Variants in CAMKK1 observed in about 807,000 individuals in gnomAD.
CAMKK1 encodes the protein calcium/calmodulin-dependent protein kinase kinase 1.
A neutral mutation model predicts 63.5 loss-of-function variants in CAMKK1; 20 were observed. The observed-to-expected ratio is 0.32, with a 90% CI of 0.22 to 0.46. The LOEUF (loss-of-function observed/expected upper bound fraction) is 0.46, where lower values mean the gene tolerates loss of function less well. Ranked by LOEUF, CAMKK1 falls within the 20% of genes least tolerant of loss-of-function variation. The pLI, the probability that CAMKK1 is intolerant of heterozygous loss-of-function variation, is 1.00. For missense variants in CAMKK1, 588 were observed against 658.1 expected, an observed-to-expected ratio of 0.89 and a Z score of 1.17; for synonymous variants, 253 against 269.0, an observed-to-expected ratio of 0.94 and a Z score of 0.58.
intron 12 of CAMKK1, among the ~76,000 whole-genome samples, chr17:3,871,545 A>T (rs561001989): frequency 6.1e-5 from 9 of 147,298 alleles, no homozygotes; most frequent in Non-Finnish European, 1.2e-4. Context: ...TTTAGTAGAG[A>T]TGGGGTTTCA....
chr17:3,878,527 A>G (rs1333338008), intron 9 of CAMKK1, among the ~76,000 whole-genome samples: 2 of 152,204 alleles, frequency 1.3e-5, no homozygotes, highest in African/African-American at 2.4e-5. Context: ...GTACCGGGGT[A>G]AAATGTCCCC....
chr17:3,883,033 A>G lies in CAMKK1; in HGVS notation c.648+9T>C. On this transcript the variant is annotated intron_variant, in intron 6 of 15. Transcript: ENST00000348335. The surrounding 1 kb of genome is among the most constrained non-coding windows in gnomAD (Gnocchi z 4.7). ...TGCTGGTTCCCACCTGCTCACCACC[A>G]CCCCCTACCTCGATCAGTTTGACCA... is the stretch of plus-strand genomic sequence containing the variant. The G allele has an allele frequency of 1.2e-6, 2 of 1,612,832 alleles. No homozygotes were observed. Among genetic ancestry groups the G allele is most frequent in the Non-Finnish European group, 1.7e-6 (2 of 1,179,650 alleles).
intron 10 of CAMKK1, among the ~76,000 whole-genome samples, chr17:3,875,602 T>C (rs935889210): frequency 2.0e-5 from 3 of 152,110 alleles, no homozygotes; most frequent in Non-Finnish European, 4.4e-5. Flanking sequence ...CTTTCCTGGA[T>C]ACTCACACGT....
In CAMKK1 at chr17:3,862,134, G is replaced by C; in HGVS notation, c.*77C>G. Reference sequence around the variant, plus strand: ...TCCCCAGCCCCCTGCCTGCGGGGGCGGCTGTTGCATGAGGGGTGGGCCTCT... The same window carrying C: ...TCCCCAGCCCCCTGCCTGCGGGGGCCGCTGTTGCATGAGGGGTGGGCCTCT... On this transcript the variant is annotated 3_prime_UTR_variant, in exon 16 of 16. Transcript: ENST00000348335. This position sits in a 1 kb window ranked among gnomAD's most constrained non-coding sequence, Gnocchi z 4.1. 1.6e-6 allele frequency: 2 copies of C among 1,239,726 alleles called. No homozygotes were observed. Among genetic ancestry groups the C allele is most frequent in the South Asian group, 1.3e-5 (1 of 77,602 alleles). The allele number at this position is 1,239,726 out of a possible 1,614,324, so 76.8% of individuals were successfully genotyped here.
Position 3,883,804 on chromosome 17 carries a change from C to A in CAMKK1, c.462+80G>T. ...TCTCAGGCAGCCCTGTCCTCTATCT[C>A]CTAAGCACAACTCCTGCCCCACCCC... On this transcript the variant is annotated intron_variant, in intron 4 of 15. Transcript: ENST00000348335. The surrounding 1 kb of genome is among the most constrained non-coding windows in gnomAD (Gnocchi z 4.7). 1 of 1,445,318 alleles carries A rather than the reference C, an allele frequency of 6.9e-7. No homozygotes were observed. The highest frequency in any genetic ancestry group is 1.1e-5 in the South Asian group (1 of 87,558). 89.5% of individuals were successfully genotyped at this position (1,445,318 alleles called of 1,614,324 possible). A position where few individuals can be genotyped will look rare whatever the true frequency, so the allele number is the denominator to read the frequency against.
Position 3,883,276 on chromosome 17 carries a change from T to G in CAMKK1, c.515-101A>C. 6.5e-7 allele frequency: 1 copy of G among 1,543,084 alleles called. No individual in the cohort carries two copies. The highest frequency in any genetic ancestry group is 8.9e-7 in the Non-Finnish European group (1 of 1,124,000). On this transcript the variant is annotated intron_variant, in intron 5 of 15. Transcript: ENST00000348335. The surrounding 1 kb of genome is among the most constrained non-coding windows in gnomAD (Gnocchi z 4.7). ...CAAGAGTCTTGCATGCCCGTGGTCT[T>G]GTCCCAACCCACAGGGCACATTCTG...
At chr17:3,877,346 G>A (rs2055212692) in intron 9 of CAMKK1, among the ~76,000 whole-genome samples, 1 of 152,158 alleles carries the variant, frequency 6.6e-6, no homozygotes, top group Admixed American at 6.5e-5. Flanking sequence ...ACATATAGTA[G>A]GACGAATCCC....
At position 3,884,018 on chromosome 17, in the gene CAMKK1, C is replaced by T. The variant is rs112448352; in HGVS notation, c.409-81G>A. 1,941 of 1,367,502 alleles carry T rather than the reference C, an allele frequency of 1.4e-3. 15 individuals are homozygous for T. In the African/African-American group the frequency reaches 0.021, roughly 15 times the overall value. 84.7% of individuals were successfully genotyped at this position (1,367,502 alleles called of 1,614,324 possible). A position where few individuals can be genotyped will look rare whatever the true frequency, so the allele number is the denominator to read the frequency against. ...GCTCAGGAGGTGGGGAGCCGAGCAGCTCTGGTCTCTCCTGCACCCCATCTG... is the reference window on the plus strand; with the variant it reads ...GCTCAGGAGGTGGGGAGCCGAGCAGTTCTGGTCTCTCCTGCACCCCATCTG... On this transcript the variant is annotated intron_variant, in intron 3 of 15. Coordinates refer to ENST00000348335, the MANE Select transcript of CAMKK1 (RefSeq NM_032294.3). This position sits in a 1 kb window ranked among gnomAD's most constrained non-coding sequence, Gnocchi z 4.5.
In CAMKK1 at chr17:3,884,369, C is replaced by T; in HGVS notation, c.408+11G>A. The T allele has an allele frequency of 6.2e-7, 1 of 1,613,658 alleles. No individual in the cohort carries two copies. The highest frequency in any genetic ancestry group is 8.5e-7 in the Non-Finnish European group (1 of 1,179,716). ...CGAAGCCCCCACTGCTCTCGGCCTG[C>T]CCACTCCTACCTTGCCAATCTCACT... On this transcript the variant is annotated intron_variant, in intron 3 of 15. Transcript: ENST00000348335. The surrounding 1 kb of genome is among the most constrained non-coding windows in gnomAD (Gnocchi z 4.5).
intron 1 of CAMKK1, among the ~76,000 whole-genome samples, chr17:3,888,913 C>CGT (rs55841323): frequency 0.22 from 32,899 of 150,252 alleles, 3,720 homozygotes; most frequent in East Asian, 0.33. Context: ...AGGGTGGTGG[C>CGT]GTGTGTGTGT....
At chr17:3,865,487 G>A (rs927580347) in intron 15 of CAMKK1, 67 of 1,013,070 alleles carry the variant, frequency 6.6e-5, no homozygotes, top group East Asian at 9.2e-5. Flanking sequence ...TCTACAGCCC[G>A]CCAGCCTCCT....
At chr17:3,865,361 G>A in intron 15 of CAMKK1, 1 of 988,792 alleles carries the variant, frequency 1.0e-6, no homozygotes, top group Non-Finnish European at 1.2e-6. Flanking sequence ...CACTGAACAA[G>A]CACTCACAAA....
chr17:3,885,253 G>C, intron 2 of CAMKK1, 75 bp downstream of exon 2: 1 of 1,448,818 alleles, frequency 6.9e-7, no homozygotes, highest in Non-Finnish European at 9.2e-7. Flanking sequence ...GTGTGGCACA[G>C]ACAGGGGCAG....
chr17:3,863,711 A>AC (rs1567608115), intron 15 of CAMKK1, among the ~76,000 whole-genome samples: 1 of 150,240 alleles, frequency 6.7e-6, no homozygotes, highest in African/African-American at 2.4e-5. Context: ...CTCCATCTCT[A>AC]TTTTTTTTTT....
chr17:3,864,476 G>C (rs902109721), intron 15 of CAMKK1, among the ~76,000 whole-genome samples: 1 of 149,884 alleles, frequency 6.7e-6, no homozygotes, highest in African/African-American at 2.5e-5. Context: ...TCGATCTCCT[G>C]ACCCTGTGAT....
In CAMKK1 at chr17:3,883,695, C is replaced by T. The variant is rs12103454; in HGVS notation, c.462+189G>A. 0.056 allele frequency among the ~76,000 whole-genome samples: 8,551 copies of T among 152,034 alleles called. 820 individuals are homozygous for T. The highest frequency in any genetic ancestry group is 0.2 in the African/African-American group (8,110 of 41,384). ...CAGCAAGCCTTTCTGGAGCTTTCCC[C>T]TCAGAGGAATCCAGTCTCTGCTTGC... On this transcript the variant is annotated intron_variant, in intron 4 of 15. Transcript: ENST00000348335. The surrounding 1 kb of genome is among the most constrained non-coding windows in gnomAD (Gnocchi z 4.7).
At position 3,892,354 on chromosome 17, in the gene CAMKK1, C is replaced by T. The variant is rs1323488052; in HGVS notation, c.-44+585G>A. Among the ~76,000 whole-genome samples, 2 of 152,178 alleles carry T rather than the reference C, an allele frequency of 1.3e-5. No individual in the cohort carries two copies. Among genetic ancestry groups the T allele is most frequent in the Non-Finnish European group, 2.9e-5 (2 of 68,012 alleles). On this transcript the variant is annotated intron_variant, in intron 1 of 15. Coordinates refer to ENST00000348335, the MANE Select transcript of CAMKK1 (RefSeq NM_032294.3). The surrounding 1 kb of genome is among the most constrained non-coding windows in gnomAD (Gnocchi z 7.5). ...CGCCTCCAAACAGCACACGCAGGTC[C>T]CTGCGCACGTGGACACCCCCCCAGC... is the stretch of plus-strand genomic sequence containing the variant.
rs568489467 is a variant in CAMKK1, at chr17:3,876,406, G to A, written c.813C>T (p.Ile271=). 3 of 1,614,084 alleles carry A rather than the reference G, an allele frequency of 1.9e-6. No homozygotes were observed. Among genetic ancestry groups the A allele is most frequent in the Admixed American group, 1.7e-5 (1 of 60,032 alleles). The change falls in exon 10 of 16, where the codon ATC becomes ATT. Residue 271 remains isoleucine (I), a synonymous_variant. Coordinates refer to ENST00000348335, the MANE Select transcript of CAMKK1 (RefSeq NM_032294.3). ...TGGATGGCTTGATGTCCCTGTGGAC[G>A]ATCTTCTGGCAGTGCACTGCAGAGA... The part of the protein sequence containing the change: ...LGLEYLHCQK[I]VHRDIKPSNL...
At chr17:3,885,108 G>A (rs1053798726) in intron 2 of CAMKK1, among the ~76,000 whole-genome samples, 2 of 152,196 alleles carry the variant, frequency 1.3e-5, no homozygotes, top group African/African-American at 2.4e-5. Flanking sequence ...CTAGGCCTGG[G>A]CTGGGAGTGG....
Sources: gnomAD v4.1 joint callset for allele counts (sites outside exome capture counted in the v4.1 genomes callset) on GRCh38, gnomAD v4.1.1 for gene constraint, Gnocchi (gnomAD v3.1) non-coding constraint, MANE v1.5 for transcripts, NCBI Gene and HGNC (gene_info 2026-07-23, HGNC 2026-07-21) for gene names.